ME2: variants seen among roughly 807,000 people sequenced by gnomAD.
ME2 encodes the protein malic enzyme 2.
ME2 carries 60 observed loss-of-function variants against 73.7 expected under a neutral mutation model. The observed-to-expected ratio is 0.81, with a 90% confidence interval of 0.66 to 1.01. The LOEUF is 1.01. Ranked by LOEUF, ME2 falls within the 50% of genes least tolerant of loss-of-function variation. The probability of loss-of-function intolerance (pLI) is 0.00; values close to 1 mark genes in which losing one functional copy is unlikely to be tolerated. For missense variants in ME2, 594 were observed against 705.5 expected (o/e 0.84, Z 1.79); for synonymous variants, 199 against 236.9 (o/e 0.84, Z 1.47).
At chr18:50,884,820 A>G (rs1391441916) in intron 1 of ME2, among the ~76,000 whole-genome samples, 1 of 141,050 alleles carries the variant, frequency 7.1e-6, no homozygotes, top group Non-Finnish European at 1.5e-5. Context: ...TTGCAGTACT[A>G]ATCACCAAAG....
intron 15 of ME2, among the ~76,000 whole-genome samples, chr18:50,943,867 GAATTT>G (rs1243207977): frequency 6.6e-6 from 1 of 152,106 alleles, no homozygotes; most frequent in African/African-American, 2.4e-5. Context: ...TCCAACTTTA[GAATTT>G]ATAGAATGAT....
intron 3 of ME2, 122 bp downstream of exon 3, chr18:50,908,318 C>G (rs1917064890): frequency 1.6e-6 from 1 of 632,332 alleles, no homozygotes; most frequent in South Asian, 3.4e-5. Flanking sequence ...TGTCAGTTAA[C>G]TACTTTTATA....
chr18:50,914,019 C>A (rs185563989), intron 4 of ME2, among the ~76,000 whole-genome samples: 2 of 152,284 alleles, frequency 1.3e-5, no homozygotes, highest in Non-Finnish European at 2.9e-5. Flanking sequence ...AGTCTCCTGT[C>A]GCCTTGTCTA....
At chr18:50,928,490 G>A (rs1047163918) in intron 12 of ME2, among the ~76,000 whole-genome samples, 7 of 149,594 alleles carry the variant, frequency 4.7e-5, no homozygotes, top group Admixed American at 3.3e-4. Context: ...CGCCCGCCTC[G>A]GCCTCCCAAA....
chr18:50,883,866 A>C (rs902086294), intron 1 of ME2, among the ~76,000 whole-genome samples: 1 of 152,146 alleles, frequency 6.6e-6, no homozygotes, highest in African/African-American at 2.4e-5. Flanking sequence ...CTGTCTAAAA[A>C]ACAAAAAAAG....
At chr18:50,887,713 A>G (rs780456512) in intron 1 of ME2, among the ~76,000 whole-genome samples, 1 of 152,244 alleles carries the variant, frequency 6.6e-6, no homozygotes, top group Non-Finnish European at 1.5e-5. Flanking sequence ...AGGATCTCAT[A>G]TAGAGGCAAA....
intron 1 of ME2, among the ~76,000 whole-genome samples, chr18:50,893,218 TAA>T (rs898880374): frequency 2.7e-5 from 4 of 147,132 alleles, no homozygotes; most frequent in African/African-American, 1.0e-4. Flanking sequence ...ATAATAGTAA[TAA>T]AGAGTGTATA....
At chr18:50,930,596 A>C (rs974875954) in intron 12 of ME2, among the ~76,000 whole-genome samples, 1 of 152,198 alleles carries the variant, frequency 6.6e-6, no homozygotes, top group Non-Finnish European at 1.5e-5. Context: ...AGGGATGGTG[A>C]CCTGGAGAAC....
chr18:50,933,120 A>G (rs1471711956), intron 13 of ME2: 1 of 152,184 alleles, frequency 6.6e-6, no homozygotes, highest in Non-Finnish European at 1.5e-5. Flanking sequence ...TAAAGCAAAA[A>G]TGGTTACAGT....
At chr18:50,916,377 C>G (rs145980927) in intron 5 of ME2, 134 bp downstream of exon 5, 115 of 634,198 alleles carry the variant, frequency 1.8e-4, no homozygotes, top group Non-Finnish European at 2.9e-4. Context: ...TAGTGCTTTG[C>G]AGCTGAAGTG....
At chr18:50,899,377 C>G (rs1452817847) in intron 2 of ME2, among the ~76,000 whole-genome samples, 2 of 152,156 alleles carry the variant, frequency 1.3e-5, no homozygotes, top group Non-Finnish European at 2.9e-5. Flanking sequence ...CTTTGGGAGG[C>G]TGAGGTGGAT....
chr18:50,920,573 A>G lies in ME2; in HGVS notation c.844+8A>G. The G allele has an allele frequency of 6.4e-7, 1 of 1,574,280 alleles. No homozygotes were observed. On this transcript the variant is annotated splice_region_variant and intron_variant, in intron 8 of 15. Coordinates refer to ENST00000321341, the MANE Select transcript of ME2 (RefSeq NM_002396.5). The stretch of plus-strand genomic sequence containing the variant: ...TCAATGATGATATTCAAGGTAAAGC[A>G]AAAAAACTTCAGGGTTTTGATTCCT...
At chr18:50,942,050 T>C (rs183944873) in intron 15 of ME2, among the ~76,000 whole-genome samples, 46 of 152,268 alleles carry the variant, frequency 3.0e-4, no homozygotes, top group African/African-American at 1.0e-3. Context: ...TATGGAATTA[T>C]TTGTTTATTT....
intron 2 of ME2, among the ~76,000 whole-genome samples, chr18:50,906,166 A>G (rs954692020): frequency 6.6e-6 from 1 of 152,088 alleles, no homozygotes; most frequent in African/African-American, 2.4e-5. Context: ...TAGTAAGTAC[A>G]ATGTTTAGGC....
intron 12 of ME2, among the ~76,000 whole-genome samples, chr18:50,927,721 C>CACATAT (rs1555678358): frequency 1.2e-5 from 1 of 85,434 alleles, no homozygotes; most frequent in Non-Finnish European, 2.1e-5. Flanking sequence ...CCCAAAAAAC[C>CACATAT]ATATATATAT....
At chr18:50,946,565 C>T (rs964222037) in intron 15 of ME2, among the ~76,000 whole-genome samples, 1 of 152,124 alleles carries the variant, frequency 6.6e-6, no homozygotes, top group Non-Finnish European at 1.5e-5. Context: ...AGGTTCTAGC[C>T]CTGACTTCAC....
intron 3 of ME2, among the ~76,000 whole-genome samples, chr18:50,911,653 T>G (rs1917159359): frequency 6.6e-6 from 1 of 152,162 alleles, no homozygotes; most frequent in African/African-American, 2.4e-5. Context: ...TGTATAGGAC[T>G]ATACCTGGAG....
chr18:50,890,328 A>C (rs940951380), intron 1 of ME2, among the ~76,000 whole-genome samples: 1 of 152,124 alleles, frequency 6.6e-6, no homozygotes, highest in African/African-American at 2.4e-5. Context: ...TGCCCAGGCT[A>C]GTCTCGAACT....
chr18:50,934,084 G>A (rs1917762694), intron 13 of ME2: 1 of 151,996 alleles, frequency 6.6e-6, no homozygotes, highest in African/African-American at 2.4e-5. Context: ...TACCATTGAT[G>A]GGCATTTAGA....
Sources: allele counts gnomAD v4.1 joint callset (sites outside exome capture counted in the v4.1 genomes callset), GRCh38; gene constraint gnomAD v4.1.1; transcripts MANE v1.5; gene names NCBI Gene and HGNC (gene_info 2026-07-23, HGNC 2026-07-21).